The following TAB1 variants were observed in gnomAD, a reference collection of about 807,000 sequenced individuals.
TAB1 encodes the protein TGF-beta activated kinase 1 (MAP3K7) binding protein 1.
TAB1 carries 30 observed loss-of-function variants against 54.5 expected under a neutral mutation model. That is an observed-to-expected ratio of 0.55 (90% CI 0.41 to 0.75). The LOEUF (loss-of-function observed/expected upper bound fraction) is 0.75, where lower values mean the gene tolerates loss of function less well. Among genes scored for constraint, TAB1 ranks in the 30% least tolerant of loss-of-function variants. TAB1 has a pLI of 0.00. For missense variants in TAB1, 609 were observed against 683.2 expected, an observed-to-expected ratio of 0.89 and a Z score of 1.21; for synonymous variants, 289 against 286.9, an observed-to-expected ratio of 1.01 and a Z score of -0.07.
Position 39,429,773 on chromosome 22 carries a change from C to T in TAB1, c.1308-242C>T, listed in dbSNP as rs929986155. On this transcript the variant is annotated intron_variant, in intron 10 of 10. Coordinates refer to ENST00000216160, the MANE Select transcript of TAB1 (RefSeq NM_006116.3). The stretch of plus-strand genomic sequence containing the variant: ...CTGGGATTACAGGCATGAGCCACCG[C>T]GCCCAGCCCCATTTTCTTTACCTTT... The T allele has an allele frequency of 6.3e-5, 61 of 973,170 alleles. No individual in the cohort carries two copies. The African/African-American group carries it at 7.4e-4, about 12-fold the overall frequency. 60.3% of individuals were successfully genotyped at this position (973,170 alleles called of 1,614,324 possible).
chr22:39,409,124 G>A (rs1166275024), intron 1 of TAB1, among the ~76,000 whole-genome samples: 2 of 152,274 alleles, frequency 1.3e-5, no homozygotes, highest in East Asian at 3.9e-4. Flanking sequence ...TAAAACACCT[G>A]TGGCACTTTG....
chr22:39,423,999 C>T (rs564587712), intron 8 of TAB1, among the ~76,000 whole-genome samples: 1 of 151,838 alleles, frequency 6.6e-6, no homozygotes, highest in African/African-American at 2.4e-5. Context: ...TCCCTAGCAC[C>T]ACTGCCATCC....
chr22:39,423,219 G>T (rs1029569639), intron 8 of TAB1, among the ~76,000 whole-genome samples: 4 of 152,060 alleles, frequency 2.6e-5, no homozygotes, highest in African/African-American at 9.7e-5. Context: ...CAAACTCCTG[G>T]TCTCAAGTGA....
chr22:39,415,398 GCAGCTGCTGT>G lies in TAB1; in HGVS notation c.171-100_171-91del. On this transcript the variant is annotated intron_variant, in intron 2 of 10. Coordinates refer to ENST00000216160, the MANE Select transcript of TAB1 (RefSeq NM_006116.3). This position sits in a 1 kb window ranked among gnomAD's most constrained non-coding sequence, Gnocchi z 4.9. ...GGGACCCAGGAGGGCCCCTGAAGCT[GCAGCTGCTGT>G]CGCTTTAGTCTCCCCCAATTCCTTT... is the stretch of plus-strand genomic sequence containing the variant. 7.1e-7 allele frequency: 1 copy of G among 1,413,580 alleles called. No homozygotes were observed. Among genetic ancestry groups the G allele is most frequent in the Non-Finnish European group, 9.8e-7 (1 of 1,024,146 alleles). 87.6% of individuals were successfully genotyped at this position (1,413,580 alleles called of 1,614,324 possible).
At chr22:39,424,404 G>A (rs1927227923) in intron 8 of TAB1, among the ~76,000 whole-genome samples, 1 of 149,182 alleles carries the variant, frequency 6.7e-6, no homozygotes, top group African/African-American at 2.5e-5. Flanking sequence ...AGTCTCAAGT[G>A]CCTAACTATC....
At chr22:39,433,716 G>GC, downstream of TAB1, 1 of 985,428 alleles carries the variant, frequency 1.0e-6, no homozygotes. Context: ...GGATGTTCCT[G>GC]CCAGTGGCAG....
chr22:39,429,889 T>C (rs1927510229), intron 10 of TAB1, 126 bp from the exon 11 acceptor site: 1 of 1,524,434 alleles, frequency 6.6e-7, no homozygotes. Flanking sequence ...GCTCCTATGG[T>C]CACCTCTGCC....
At chr22:39,436,776 C>G (rs1454492551), downstream of TAB1, 2 of 588,344 alleles carry the variant, frequency 3.4e-6, no homozygotes, top group East Asian at 2.8e-5. Context: ...GGACCCAGCT[C>G]ACTCTCATCT....
intron 4 of TAB1, 141 bp downstream of exon 4, chr22:39,417,018 T>C (rs908504484): frequency 3.1e-5 from 24 of 763,372 alleles, no homozygotes; most frequent in Admixed American, 2.6e-4. Context: ...CACTGGTGTG[T>C]GGCCACAGGT....
rs188492882 is a variant in TAB1 at position 39,410,770 on chromosome 22, A to C, written c.34-4236A>C. Among the ~76,000 whole-genome samples, 5 of 152,268 alleles carry C rather than the reference A, an allele frequency of 3.3e-5. No homozygotes were observed. In the South Asian group the frequency reaches 1.0e-3, roughly 32 times the overall value. ...AAGACTCAACATAGTGACAATGTCTACTTTCCCCAAATTGATCTGTAGATT... is the reference window on the plus strand; with the variant it reads ...AAGACTCAACATAGTGACAATGTCTCCTTTCCCCAAATTGATCTGTAGATT... On this transcript the variant is annotated intron_variant, in intron 1 of 10. Transcript: ENST00000216160.
At chr22:39,408,492 TTTTTTG>T (rs778980671) in intron 1 of TAB1, among the ~76,000 whole-genome samples, 5 of 152,080 alleles carry the variant, frequency 3.3e-5, no homozygotes, top group Non-Finnish European at 7.4e-5. Context: ...TTCACTGGCG[TTTTTTG>T]TTTTTGTTTT....
chr22:39,418,380 A>G (rs1318287852), intron 5 of TAB1, among the ~76,000 whole-genome samples: 1 of 152,132 alleles, frequency 6.6e-6, no homozygotes, highest in Non-Finnish European at 1.5e-5. Context: ...CCCATCCCCA[A>G]TCCCAGCAGT....
rs760808618 is a variant in TAB1 at position 39,418,842 on chromosome 22, C to T, written c.661C>T (p.Leu221=). 1.9e-6 allele frequency: 3 copies of T among 1,613,102 alleles called. No individual in the cohort carries two copies. The African/African-American group carries it at 4.0e-5, about 22-fold the overall frequency. The change falls in exon 6 of 11, where the codon CTG becomes TTG. Residue 221 remains leucine (L), a synonymous_variant. Coordinates refer to ENST00000216160, the MANE Select transcript of TAB1 (RefSeq NM_006116.3). ...NEDELFRLSQ[L]GLDAGKIKQV... ...GGATGAGCTCTTCCGTCTTTCGCAG[C>T]TGGGTGAGTGGGGAGAGTGGGAGCG...
At position 39,426,683 on chromosome 22, in the gene TAB1, C is replaced by T. The variant is rs1927355780; in HGVS notation, c.922-20C>T. On this transcript the variant is annotated intron_variant, in intron 8 of 10. Transcript: ENST00000216160. Reference sequence around the variant, plus strand: ...GCCGCACCTCGTTCCTTACCAGGTTCTTCCTACCCCCTCCCCCAGGAGATT... The same window carrying T: ...GCCGCACCTCGTTCCTTACCAGGTTTTTCCTACCCCCTCCCCCAGGAGATT... 6.3e-7 allele frequency: 1 copy of T among 1,583,174 alleles called. No homozygotes were observed. The highest frequency in any genetic ancestry group is 1.3e-5 in the African/African-American group (1 of 74,664).
At chr22:39,410,370 A>G (rs1373845846) in intron 1 of TAB1, among the ~76,000 whole-genome samples, 1 of 152,172 alleles carries the variant, frequency 6.6e-6, no homozygotes, top group Non-Finnish European at 1.5e-5. Context: ...AGCCTCCCCA[A>G]GTGCTGGGAT....
At chr22:39,432,034 A>G (rs1927604753), downstream of TAB1, among the ~76,000 whole-genome samples, 1 of 152,026 alleles carries the variant, frequency 6.6e-6, no homozygotes, top group East Asian at 1.9e-4. Context: ...GCTGCATTCC[A>G]TGCTGCCGCC....
chr22:39,429,012 G>C (rs553418106), intron 10 of TAB1: 2 of 976,530 alleles, frequency 2.0e-6, no homozygotes, highest in East Asian at 2.3e-4. Context: ...CACCCCTGCC[G>C]GGCTGCCTGG....
intron 1 of TAB1, among the ~76,000 whole-genome samples, chr22:39,400,574 G>T (rs889338305): frequency 6.6e-6 from 1 of 152,188 alleles, no homozygotes; most frequent in African/African-American, 2.4e-5. Context: ...TGGGTTTGGC[G>T]CTGTCTTCCA....
downstream of TAB1, chr22:39,436,509 A>G (rs748653435): frequency 1.2e-6 from 2 of 1,613,866 alleles, no homozygotes; most frequent in South Asian, 2.2e-5. Flanking sequence ...CAGGCCTGCA[A>G]GCGATTTGAC....
Sources: gnomAD v4.1 joint callset for allele counts (sites outside exome capture counted in the v4.1 genomes callset) on GRCh38, gnomAD v4.1.1 for gene constraint, Gnocchi (gnomAD v3.1) non-coding constraint, MANE v1.5 for transcripts, NCBI Gene and HGNC (gene_info 2026-07-23, HGNC 2026-07-21) for gene names.